Variants in PNPLA4 observed in about 807,000 individuals in gnomAD.
PNPLA4 encodes the protein patatin-like phospholipase domain-containing protein 4.
Under a neutral mutation model 18.3 loss-of-function variants are expected in PNPLA4, and 15 were observed. That is an observed-to-expected ratio of 0.82 (90% CI 0.55 to 1.26). The LOEUF (loss-of-function observed/expected upper bound fraction) is 1.26. PNPLA4 is among the 50% of genes most tolerant of loss of function. The pLI is 0.00. For synonymous variants in PNPLA4, 88 were observed against 85.6 expected, an observed-to-expected ratio of 1.03 and a Z score of -0.16; for missense variants, 229 against 196.8, an observed-to-expected ratio of 1.16 and a Z score of -0.98.
intron 5 of PNPLA4, among the ~76,000 whole-genome samples, chrX:7,908,547 T>C (rs1346959381): frequency 8.9e-6 from 1 of 111,995 alleles, no homozygotes; most frequent in East Asian, 2.8e-4. Flanking sequence ...CCTATTAGAA[T>C]GTGGGAGGTG....
chrX:7,926,164 T>C (rs1434929115), intron 1 of PNPLA4, 32 bp from the exon 2 acceptor site: 2 of 1,052,328 alleles, frequency 1.9e-6, no homozygotes, highest in Admixed American at 2.5e-5. Context: ...ATGCTGTAAG[T>C]TGGAATAGTT....
chrX:7,911,657 T>C (rs983812555), intron 5 of PNPLA4, among the ~76,000 whole-genome samples: 16 of 111,074 alleles, frequency 1.4e-4, no homozygotes, highest in African/African-American at 5.2e-4. Flanking sequence ...TGCCGCATTG[T>C]CTGGGGGAGG....
rs1923401911 is a variant in PNPLA4 at position 7,898,252 on chromosome X, C to T, written c.*2434G>A. On this transcript the variant is annotated 3_prime_UTR_variant, in exon 7 of 7. Coordinates refer to ENST00000381042, the MANE Select transcript of PNPLA4 (RefSeq NM_004650.3). Reference sequence around the variant, plus strand: ...CTTATTGAAAAGAAGAAAAGGAAGACTAATGACATTTTTAATGACAGATTC... The same window carrying T: ...CTTATTGAAAAGAAGAAAAGGAAGATTAATGACATTTTTAATGACAGATTC... The T allele has an allele frequency of 8.9e-6, 1 of 111,902 alleles. No homozygotes were observed. Among genetic ancestry groups the T allele is most frequent in the Non-Finnish European group, 1.9e-5 (1 of 53,187 alleles). 9.2% of individuals were successfully genotyped at this position (111,902 alleles called of 1,213,427 possible).
At chrX:7,907,098 A>G (rs1923727923) in intron 5 of PNPLA4, among the ~76,000 whole-genome samples, 1 of 110,672 alleles carries the variant, frequency 9.0e-6, no homozygotes, top group South Asian at 3.9e-4. Flanking sequence ...GCTCACTGCA[A>G]CCTCTGCCTC....
In PNPLA4 at chrX:7,927,297, CG is replaced by C. The variant is rs1340940308; in HGVS notation, c.-26del. 8 of 113,150 alleles carry C rather than the reference CG, an allele frequency of 7.1e-5. No homozygotes were observed. The highest frequency in any genetic ancestry group is 1.9e-4 in the African/African-American group (6 of 31,236). The allele number at this position is 113,150 out of a possible 1,213,427, so 9.3% of individuals were successfully genotyped here. ...CCAGGGCTCCGTACCAATGCAGCCCCGGGACACTTCCGTGTTGAACGAGTCC... is the reference window on the plus strand; with the variant it reads ...CCAGGGCTCCGTACCAATGCAGCCCCGGACACTTCCGTGTTGAACGAGTCC... On this transcript the variant is annotated 5_prime_UTR_variant, in exon 1 of 7. Transcript: ENST00000381042.
At position 7,926,134 on chromosome X, in the gene PNPLA4, T is replaced by G. The variant is rs759325675; in HGVS notation, c.-13-2A>C. On this transcript the variant is annotated splice_acceptor_variant, in intron 1 of 6. Transcript: ENST00000381042. LOFTEE classifies it low-confidence loss of function (5UTR_SPLICE). ...ATGTGCTTCATTCTAGCTGTAGCACTGGCAATACAAAAAACAAAAATGCTG... is the reference window on the plus strand; with the variant it reads ...ATGTGCTTCATTCTAGCTGTAGCACGGGCAATACAAAAAACAAAAATGCTG... 2 of 1,189,265 alleles carry G rather than the reference T, an allele frequency of 1.7e-6. No individual in the cohort carries two copies. The highest frequency in any genetic ancestry group is 3.7e-5 in the South Asian group (2 of 54,414).
intron 4 of PNPLA4, among the ~76,000 whole-genome samples, chrX:7,920,726 G>A: frequency 8.9e-6 from 1 of 112,505 alleles, no homozygotes. Context: ...CATTACCACA[G>A]CAGGCACATT....
chrX:7,909,994 C>A (rs1923824274), intron 5 of PNPLA4, among the ~76,000 whole-genome samples: 1 of 111,839 alleles, frequency 8.9e-6, no homozygotes, highest in Non-Finnish European at 1.9e-5. Context: ...GCCTCTCCTT[C>A]TAAGATAGAA....
chrX:7,908,144 C>T (rs949576658), intron 5 of PNPLA4, among the ~76,000 whole-genome samples: 18 of 111,233 alleles, frequency 1.6e-4, no homozygotes, highest in African/African-American at 5.9e-4. Flanking sequence ...CAGTAATACC[C>T]GCAATGTAGA....
At position 7,898,543 on chromosome X, in the gene PNPLA4, T is replaced by C. The variant is rs979559609; in HGVS notation, c.*2143A>G. 4.5e-5 allele frequency: 5 copies of C among 111,856 alleles called. No homozygotes were observed. Among genetic ancestry groups the C allele is most frequent in the African/African-American group, 1.6e-4 (5 of 30,724 alleles). 9.2% of individuals were successfully genotyped at this position (111,856 alleles called of 1,213,427 possible). ...CTTGGTAGCATGCTCACAGGAGAAT[T>C]TGGTGCACCAGCCCCGGAGAGCGCC... On this transcript the variant is annotated 3_prime_UTR_variant, in exon 7 of 7. Transcript: ENST00000381042.
At chrX:7,924,263 A>G (rs1376692169) in intron 2 of PNPLA4, among the ~76,000 whole-genome samples, 1 of 111,736 alleles carries the variant, frequency 8.9e-6, no homozygotes. Context: ...TTATTCATGC[A>G]TAAGCTCAGA....
chrX:7,915,965 G>T (rs1412938376), intron 4 of PNPLA4, among the ~76,000 whole-genome samples: 1 of 111,942 alleles, frequency 8.9e-6, no homozygotes, highest in Admixed American at 9.5e-5. Context: ...GGACATCACT[G>T]CAACAGAGAC....
chrX:7,906,240 T>TATC (rs1176004875), intron 5 of PNPLA4, among the ~76,000 whole-genome samples: 5 of 112,100 alleles, frequency 4.5e-5, no homozygotes, highest in African/African-American at 1.6e-4. Flanking sequence ...GACAAAGAGA[T>TATC]ATCCACTTCC....
chrX:7,927,368 G>C lies in PNPLA4; in HGVS notation c.-96C>G, dbSNP rs1449159183. The C allele has an allele frequency of 3.5e-5, 4 of 113,187 alleles. No homozygotes were observed. In the East Asian group the frequency reaches 1.1e-3, roughly 32 times the overall value. The allele number at this position is 113,187 out of a possible 1,213,427, so 9.3% of individuals were successfully genotyped here. On this transcript the variant is annotated 5_prime_UTR_variant, in exon 1 of 7. Coordinates refer to ENST00000381042, the MANE Select transcript of PNPLA4 (RefSeq NM_004650.3). ...CCGGGCCGTCACTCAACGCCATTCC[G>C]CCACCAAGGCCGCGCTACGCTCTCC...
At chrX:7,927,532 A>G (rs1258473065), upstream of PNPLA4, 1 of 113,460 alleles carries the variant, frequency 8.8e-6, no homozygotes, top group Non-Finnish European at 1.9e-5. Context: ...TGGCCGCTAG[A>G]CCGGAGCGTC....
At chrX:7,904,843 C>A (rs1332082699) in intron 5 of PNPLA4, among the ~76,000 whole-genome samples, 1 of 111,556 alleles carries the variant, frequency 9.0e-6, no homozygotes, top group Non-Finnish European at 1.9e-5. Context: ...AGAAAAATAG[C>A]TGCTGGTCTA....
At chrX:7,924,534 T>C (rs1924330954) in intron 2 of PNPLA4, among the ~76,000 whole-genome samples, 1 of 111,983 alleles carries the variant, frequency 8.9e-6, no homozygotes, top group Admixed American at 9.5e-5. Context: ...AATTATTTTC[T>C]ACCTTCCCAT....
At chrX:7,921,507 T>C (rs1439791917) in intron 4 of PNPLA4, among the ~76,000 whole-genome samples, 1 of 111,727 alleles carries the variant, frequency 9.0e-6, no homozygotes, top group Admixed American at 9.5e-5. Flanking sequence ...CAGGGAGCAT[T>C]TGGATCACAG....
intron 5 of PNPLA4, among the ~76,000 whole-genome samples, chrX:7,906,809 C>A (rs185126282): frequency 1.8e-5 from 2 of 111,976 alleles, no homozygotes; most frequent in East Asian, 5.6e-4. Flanking sequence ...CCACAATTCT[C>A]TTTCCCACAC....
Sources: allele counts gnomAD v4.1 joint callset (sites outside exome capture counted in the v4.1 genomes callset), GRCh38; gene constraint gnomAD v4.1.1; transcripts MANE v1.5; gene names NCBI Gene and HGNC (gene_info 2026-07-23, HGNC 2026-07-21).